FIG4: variants seen among roughly 807,000 people sequenced by gnomAD.
The protein encoded by FIG4 is polyphosphoinositide phosphatase.
In FIG4, 112 loss-of-function variants were observed where a neutral mutation model predicts 118.6. That is an observed-to-expected ratio of 0.94 (90% confidence interval 0.81 to 1.11). FIG4 has a LOEUF of 1.11. FIG4 is among the 50% of genes least tolerant of loss of function. The pLI, the probability that FIG4 is intolerant of heterozygous loss-of-function variation, is 0.00. For synonymous variants in FIG4, 369 were observed against 381.2 expected (o/e 0.97, Z 0.37); for missense variants, 969 against 1,111.7 (o/e 0.87, Z 1.83).
chr6:109,701,258 G>A (rs190679255), intron 1 of FIG4, among the ~76,000 whole-genome samples: 4 of 152,302 alleles, frequency 2.6e-5, no homozygotes, highest in Admixed American at 2.6e-4. Flanking sequence ...CCTTCAATAT[G>A]CTCCTTAGCT....
At chr6:109,716,855 A>G (rs373440612) in intron 3 of FIG4, among the ~76,000 whole-genome samples, 1 of 152,208 alleles carries the variant, frequency 6.6e-6, no homozygotes, top group Non-Finnish European at 1.5e-5. Flanking sequence ...ATGAAAAAGT[A>G]AAAATTAGCT....
At chr6:109,704,741 G>A (rs953706931) in intron 1 of FIG4, among the ~76,000 whole-genome samples, 4 of 149,918 alleles carry the variant, frequency 2.7e-5, no homozygotes, top group Non-Finnish European at 4.4e-5. Context: ...AACAAAGCCT[G>A]ATGAACTATT....
At chr6:109,731,203 G>A (rs530233647) in intron 4 of FIG4, among the ~76,000 whole-genome samples, 1 of 152,278 alleles carries the variant, frequency 6.6e-6, no homozygotes, top group South Asian at 2.1e-4. Context: ...AGAGATGTGG[G>A]AAATGAGTTG....
At chr6:109,799,790 G>A (rs573490471) in intron 22 of FIG4, among the ~76,000 whole-genome samples, 3 of 152,166 alleles carry the variant, frequency 2.0e-5, no homozygotes, top group East Asian at 1.9e-4. Context: ...TTTCAACCAC[G>A]GTCTTGCAGG....
chr6:109,717,468 G>A (rs776371871), intron 3 of FIG4, among the ~76,000 whole-genome samples: 3 of 152,088 alleles, frequency 2.0e-5, no homozygotes, highest in Non-Finnish European at 4.4e-5. Context: ...TGTACTATGG[G>A]TTTGTCCCTG....
At chr6:109,794,260 G>A (rs866555686) in intron 21 of FIG4, among the ~76,000 whole-genome samples, 22 of 152,302 alleles carry the variant, frequency 1.4e-4, no homozygotes, top group Admixed American at 3.3e-4. Context: ...GGCTAATAGC[G>A]CAGCAAGTAG....
intron 21 of FIG4, 46 bp downstream of exon 21, chr6:109,792,710 A>T: frequency 9.4e-7 from 1 of 1,061,880 alleles, no homozygotes; most frequent in Non-Finnish European, 1.4e-6. Context: ...AATATTTATA[A>T]TTACAGTAAC....
chr6:109,820,918 G>C (rs1020075514), intron 22 of FIG4, among the ~76,000 whole-genome samples: 1 of 152,154 alleles, frequency 6.6e-6, no homozygotes, highest in Non-Finnish European at 1.5e-5. Context: ...GGAAGAAGCA[G>C]GAGGAAACAG....
chr6:109,798,798 ATTTTTTCT>A (rs1778355345), intron 22 of FIG4, among the ~76,000 whole-genome samples: 1 of 150,902 alleles, frequency 6.6e-6, no homozygotes, highest in African/African-American at 2.5e-5. Flanking sequence ...CCCCAACACT[ATTTTTTCT>A]TTTTTTCCTC....
chr6:109,732,729 T>A (rs1168805687), intron 5 of FIG4, 42 bp downstream of exon 5: 4 of 1,159,246 alleles, frequency 3.5e-6, no homozygotes, highest in Non-Finnish European at 5.2e-6. Context: ...TCACATAAAC[T>A]TTTATATTAT....
intron 22 of FIG4, among the ~76,000 whole-genome samples, chr6:109,806,600 G>A (rs1380338045): frequency 6.6e-6 from 1 of 151,394 alleles, no homozygotes; most frequent in African/African-American, 2.4e-5. Context: ...TCCTGGAGAG[G>A]GTCAGTAGTT....
chr6:109,745,610 GTTTC>G (rs1162710675), intron 10 of FIG4, among the ~76,000 whole-genome samples: 3 of 152,070 alleles, frequency 2.0e-5, no homozygotes, highest in Admixed American at 2.0e-4. Flanking sequence ...TCTGATGATA[GTTTC>G]TTTTACTGTG....
At chr6:109,707,589 G>T (rs183666000) in intron 1 of FIG4, among the ~76,000 whole-genome samples, 1 of 151,906 alleles carries the variant, frequency 6.6e-6, no homozygotes. Context: ...TATTCTTGAA[G>T]GTTCAATTCT....
intron 5 of FIG4, 63 bp downstream of exon 5, chr6:109,732,750 G>T (rs1776045851): frequency 3.0e-6 from 3 of 1,004,072 alleles, no homozygotes; most frequent in South Asian, 1.3e-5. Flanking sequence ...TTTCCAGCGG[G>T]TAAAAGCAGA....
chr6:109,746,078 A>G (rs2128387515), intron 10 of FIG4, among the ~76,000 whole-genome samples: 1 of 152,312 alleles, frequency 6.6e-6, no homozygotes, highest in African/African-American at 2.4e-5. Flanking sequence ...CAGAGGCCTC[A>G]GCAATAACAC....
chr6:109,809,417 A>T (rs911015946), intron 22 of FIG4, among the ~76,000 whole-genome samples: 3 of 152,278 alleles, frequency 2.0e-5, no homozygotes, highest in African/African-American at 7.2e-5. Context: ...TTTAATAATT[A>T]TTTTTTAACT....
intron 1 of FIG4, among the ~76,000 whole-genome samples, chr6:109,698,460 C>A (rs954343757): frequency 6.6e-6 from 1 of 152,186 alleles, no homozygotes; most frequent in African/African-American, 2.4e-5. Flanking sequence ...GAAAGAGGAA[C>A]ACTTTTTGCT....
chr6:109,727,393 C>CT (rs1040386089), intron 4 of FIG4, 128 bp downstream of exon 4: 76 of 735,960 alleles, frequency 1.0e-4, no homozygotes, highest in Middle Eastern at 3.7e-4. Context: ...GGCTCAAGTA[C>CT]TTTTTTTTAA....
intron 15 of FIG4, among the ~76,000 whole-genome samples, chr6:109,768,170 G>C (rs1777341069): frequency 1.3e-5 from 2 of 152,170 alleles, no homozygotes; most frequent in African/African-American, 4.8e-5. Context: ...GTGCCAGCAT[G>C]GGGTTGGCCT....
Sources: allele counts gnomAD v4.1 joint callset (sites outside exome capture counted in the v4.1 genomes callset), GRCh38; gene constraint gnomAD v4.1.1; transcripts MANE v1.5; gene names NCBI Gene and HGNC (gene_info 2026-07-23, HGNC 2026-07-21).